The following PKHD1 variants were observed in gnomAD, a reference collection of about 807,000 sequenced individuals.
PKHD1 encodes PKHD1 ciliary IPT domain containing fibrocystin/polyductin, also known as fibrocystin.
Under a neutral mutation model 412.0 loss-of-function variants are expected in PKHD1, and 291 were observed. That is an observed-to-expected ratio of 0.71 (90% CI 0.64 to 0.78). The LOEUF (loss-of-function observed/expected upper bound fraction) is 0.78, where lower values mean the gene tolerates loss of function less well. Ranked by LOEUF, PKHD1 falls within the 30% of genes least tolerant of loss-of-function variation. The pLI, the probability that PKHD1 is intolerant of heterozygous loss-of-function variation, is 0.00. For missense variants in PKHD1, 4,825 were observed against 4,950.7 expected (o/e 0.97, Z 0.76); for synonymous variants, 1,777 against 1,821.5 (o/e 0.98, Z 0.62).
Position 51,618,643 on chromosome 6 carries a change from C to A in PKHD1, c.*438G>T. The stretch of plus-strand genomic sequence containing the variant: ...AATGCTACTACAGGATAAAGAAATG[C>A]TTTTCTGTAACAGTGTGGAATTAAA... On this transcript the variant is annotated 3_prime_UTR_variant, in exon 67 of 67. Coordinates refer to ENST00000371117, the MANE Select transcript of PKHD1 (RefSeq NM_138694.4). 3.8e-6 allele frequency: 1 copy of A among 265,034 alleles called. No individual in the cohort carries two copies. The allele number at this position is 265,034 out of a possible 1,614,324, so 16.4% of individuals were successfully genotyped here.
intron 12 of PKHD1, 112 bp from the exon 13 acceptor site, chr6:52,065,162 T>TAGAGAGAGAGAGAGAGAGAG (rs1436993640): frequency 3.1e-5 from 2 of 65,562 alleles, no homozygotes; most frequent in Non-Finnish European, 5.2e-5. Context: ...TATATATATA[T>TAGAGAGAGAGAGAGAGAGAG]ATATATAGAG....
intron 48 of PKHD1, among the ~76,000 whole-genome samples, chr6:51,860,525 C>A (rs1774016263): frequency 6.6e-6 from 1 of 152,206 alleles, no homozygotes; most frequent in Non-Finnish European, 1.5e-5. Flanking sequence ...AGCAAAGGAG[C>A]ACAAAAGTAT....
At chr6:51,874,038 C>G (rs772576487) in intron 46 of PKHD1, among the ~76,000 whole-genome samples, 17 of 152,068 alleles carry the variant, frequency 1.1e-4, no homozygotes, top group Non-Finnish European at 2.1e-4. Flanking sequence ...GGCCCTACAA[C>G]AGAATTTAGG....
chr6:51,952,796 C>T (rs1790550896), intron 36 of PKHD1, among the ~76,000 whole-genome samples: 1 of 152,104 alleles, frequency 6.6e-6, no homozygotes, highest in Non-Finnish European at 1.5e-5. Flanking sequence ...TCAGGCCTCC[C>T]TTCTGGATAA....
chr6:51,832,584 G>A lies in PKHD1; in HGVS notation c.8174-1595C>T, dbSNP rs555423926. ...CATAGGGCATTCAGGGTATCTCTGT[G>A]GTCTCCAGATGGAGCTATACAGCAA... On this transcript the variant is annotated intron_variant, in intron 51 of 66. Coordinates refer to ENST00000371117, the MANE Select transcript of PKHD1 (RefSeq NM_138694.4). Among the ~76,000 whole-genome samples, 12 of 152,088 alleles carry A rather than the reference G, an allele frequency of 7.9e-5. No homozygotes were observed. In the South Asian group the frequency reaches 2.3e-3, roughly 29 times the overall value.
Position 51,934,265 on chromosome 6 carries a change from A to G in PKHD1, c.5966T>C (p.Leu1989Pro), listed in dbSNP as rs1302888173. The G allele has an allele frequency of 6.2e-7, 1 of 1,613,610 alleles. No individual in the cohort carries two copies. Among genetic ancestry groups the G allele is most frequent in the Non-Finnish European group, 8.5e-7 (1 of 1,179,966 alleles). ...CCGGAGCTCTCCACCATCAGAAACA[A>G]GGATGGCGTGTGCCCTGAGCTCGAT... ...GPIELRAHAI[L>P]VSDGGELRIG... The change falls in exon 37 of 67, where the codon CTT becomes CCT. Residue 1989 changes from leucine to proline, a missense_variant. By Grantham distance (98) the Leu-to-Pro change is moderately conservative. Transcript: ENST00000371117.
intron 60 of PKHD1, among the ~76,000 whole-genome samples, chr6:51,673,601 G>C (rs1277749891): frequency 1.3e-5 from 2 of 152,212 alleles, no homozygotes; most frequent in Non-Finnish European, 2.9e-5. Flanking sequence ...ATGAAGAAGA[G>C]AACAGTGATC....
chr6:51,619,553 T>A (rs1274468923), intron 66 of PKHD1, 33 bp from the exon 67 acceptor site: 2 of 1,565,236 alleles, frequency 1.3e-6, no homozygotes, highest in Non-Finnish European at 8.8e-7. Context: ...AAGAAATGGA[T>A]TTAGTTTTCA....
intron 46 of PKHD1, among the ~76,000 whole-genome samples, chr6:51,871,113 T>G (rs547890000): frequency 6.6e-6 from 1 of 152,290 alleles, no homozygotes; most frequent in East Asian, 1.9e-4. Flanking sequence ...GTGGAAAACT[T>G]TGGCAGTTTC....
At chr6:51,639,418 T>C (rs910644926) in intron 63 of PKHD1, among the ~76,000 whole-genome samples, 5 of 152,000 alleles carry the variant, frequency 3.3e-5, no homozygotes, top group Non-Finnish European at 5.9e-5. Context: ...AGGTGGTCAG[T>C]TTCTACAGTC....
At chr6:51,711,032 A>C (rs1780598192) in intron 60 of PKHD1, among the ~76,000 whole-genome samples, 1 of 152,146 alleles carries the variant, frequency 6.6e-6, no homozygotes, top group Admixed American at 6.5e-5. Context: ...ATGCAGGAGG[A>C]AGCTAACAGT....
intron 37 of PKHD1, among the ~76,000 whole-genome samples, chr6:51,925,925 T>A (rs1785529442): frequency 6.6e-6 from 1 of 151,958 alleles, no homozygotes; most frequent in African/African-American, 2.4e-5. Context: ...AAGCAAATAT[T>A]TTTTAAAGCA....
intron 35 of PKHD1, among the ~76,000 whole-genome samples, chr6:51,996,944 T>C (rs1211666362): frequency 6.6e-6 from 1 of 152,230 alleles, no homozygotes; most frequent in East Asian, 1.9e-4. Context: ...GGGATGGGAT[T>C]AGCTCTATTC....
intron 43 of PKHD1, among the ~76,000 whole-genome samples, chr6:51,899,538 T>C (rs1287277738): frequency 6.6e-6 from 1 of 151,452 alleles, no homozygotes; most frequent in Non-Finnish European, 1.5e-5. Flanking sequence ...GAGCTATCTA[T>C]GACAAACCCA....
intron 35 of PKHD1, among the ~76,000 whole-genome samples, chr6:51,990,134 T>C (rs1025390372): frequency 2.6e-5 from 4 of 151,552 alleles, no homozygotes; most frequent in African/African-American, 9.7e-5. Flanking sequence ...TATTCTTCCC[T>C]TTTCCTTCAC....
intron 40 of PKHD1, among the ~76,000 whole-genome samples, chr6:51,907,600 C>T (rs1453441912): frequency 6.6e-6 from 1 of 152,112 alleles, no homozygotes; most frequent in Non-Finnish European, 1.5e-5. Context: ...CAACATTTAC[C>T]TATGTAACAA....
At chr6:51,764,057 A>G (rs111265165) in intron 55 of PKHD1, among the ~76,000 whole-genome samples, 43,301 of 142,082 alleles carry the variant, frequency 0.3, 8,392 homozygotes, top group East Asian at 0.69. Context: ...CCACTAACTC[A>G]TCATCTAGCA....
chr6:51,993,306 C>G (rs1797267155), intron 35 of PKHD1, among the ~76,000 whole-genome samples: 1 of 152,220 alleles, frequency 6.6e-6, no homozygotes. Context: ...TTGCTGCCTT[C>G]TATAATCAGC....
intron 37 of PKHD1, 52 bp from the exon 38 acceptor site, chr6:51,912,628 C>G (rs762574218): frequency 8.5e-7 from 1 of 1,172,640 alleles, no homozygotes. Context: ...TTAATCAAAA[C>G]GTGATTAATT....
Sources: gnomAD v4.1 joint callset for allele counts (sites outside exome capture counted in the v4.1 genomes callset) on GRCh38, gnomAD v4.1.1 for gene constraint, MANE v1.5 for transcripts, NCBI Gene and HGNC (gene_info 2026-07-23, HGNC 2026-07-21) for gene names.